The following PLXND1 variants were observed in gnomAD, a reference collection of about 807,000 sequenced individuals.
PLXND1 encodes the protein plexin-D1.
PLXND1 carries 54 observed loss-of-function variants against 197.7 expected under a neutral mutation model. The ratio of observed to expected loss-of-function variants is 0.27; its 90% CI spans 0.22 to 0.34. The LOEUF (loss-of-function observed/expected upper bound fraction) is 0.34. PLXND1 is among the 10% of genes least tolerant of loss of function. The pLI is 1.00. For missense variants in PLXND1, 2,127 were observed against 2,699.2 expected, an observed-to-expected ratio of 0.79 and a Z score of 4.70; for synonymous variants, 1,180 against 1,161.2, an observed-to-expected ratio of 1.02 and a Z score of -0.33.
chr3:129,576,647 A>G (rs1214015790), intron 9 of PLXND1, among the ~76,000 whole-genome samples: 3 of 151,984 alleles, frequency 2.0e-5, no homozygotes, highest in Non-Finnish European at 4.4e-5. Context: ...CTGGGTTCAA[A>G]CCCCACCTCT....
At chr3:129,560,936 G>T in intron 29 of PLXND1, 1 of 673,140 alleles carries the variant, frequency 1.5e-6, no homozygotes. Context: ...GAGACGCATG[G>T]GGAGACTGAG....
chr3:129,555,737 GCCCACTCTACCAACA>G lies in PLXND1; in HGVS notation c.*560_*574del. On this transcript the variant is annotated 3_prime_UTR_variant, in exon 36 of 36. Transcript: ENST00000324093. ...CAGAGCACCCCATGGCGCGGGCACT[GCCCACTCTACCAACA>G]GCCGCCCAAGCAACAAAAATCTGAC... 2.0e-6 allele frequency: 1 copy of G among 500,068 alleles called. No individual in the cohort carries two copies. Among genetic ancestry groups the G allele is most frequent in the Non-Finnish European group, 3.5e-6 (1 of 287,444 alleles). 31.0% of individuals were successfully genotyped at this position (500,068 alleles called of 1,614,324 possible). A position where few individuals can be genotyped will look rare whatever the true frequency, so the allele number is the denominator to read the frequency against.
intron 26 of PLXND1, 72 bp from the exon 27 acceptor site, chr3:129,563,015 G>A: frequency 1.9e-6 from 3 of 1,610,086 alleles, no homozygotes; most frequent in Non-Finnish European, 2.5e-6. Context: ...AGGCAGCAAG[G>A]CCCTGCAGAG....
chr3:129,590,761 T>C (rs1307064982), intron 1 of PLXND1, among the ~76,000 whole-genome samples: 1 of 152,118 alleles, frequency 6.6e-6, no homozygotes, highest in African/African-American at 2.4e-5. Context: ...ATCTCACAGA[T>C]GGGGAAACTG....
chr3:129,606,043 G>T lies in PLXND1; in HGVS notation c.597C>A (p.Ala199=). ...GCAGGCGGCTGCCCCCCGCGCCCGC[G>T]GCGGGAGGCAGAACTAGCCCCACGG... ...ASTVGLVLPP[A]AGAGGSRLLV... Residue 199 remains alanine (A), a synonymous_variant, in exon 1 of 36, where the codon GCC becomes GCA. Coordinates refer to ENST00000324093, the MANE Select transcript of PLXND1 (RefSeq NM_015103.3). 1 of 1,593,376 alleles carries T rather than the reference G, an allele frequency of 6.3e-7. No homozygotes were observed. The highest frequency in any genetic ancestry group is 2.3e-5 in the East Asian group (1 of 44,218).
chr3:129,571,942 T>TTGAACCCCAGGCCAA, intron 15 of PLXND1, 98 bp from the exon 16 acceptor site: 3 of 1,229,192 alleles, frequency 2.4e-6, no homozygotes, highest in Non-Finnish European at 3.4e-6. Context: ...GCACTTGGCC[T>TTGAACCCCAGGCCAA]GGGGTTCAAG....
rs772112447 is a variant in PLXND1, at chr3:129,569,849, C to A, written c.3859G>T (p.Val1287Leu). Residue 1287 changes from valine (V) to leucine (L), a missense_variant, in exon 20 of 36, where the codon GTG (valine) becomes TTG (leucine). Coordinates refer to ENST00000324093, the MANE Select transcript of PLXND1 (RefSeq NM_015103.3). ...TGAGGGTGGGGCTCCTTACCCACCA[C>A]GGAGAGCAGCAGCAGGACGCTGCAG... ...VICSVLLLLS[V>L]VALFVFCTKS... 1 of 1,590,200 alleles carries A rather than the reference C, an allele frequency of 6.3e-7. No homozygotes were observed. The highest frequency in any genetic ancestry group is 8.6e-7 in the Non-Finnish European group (1 of 1,158,374).
At chr3:129,559,544 A>C in intron 32 of PLXND1, 76 bp downstream of exon 32, 1 of 1,219,146 alleles carries the variant, frequency 8.2e-7, no homozygotes, top group Non-Finnish European at 1.1e-6. Context: ...GCGAGGCCAG[A>C]AGACTAGACT....
rs1460193425 is a variant in PLXND1 at position 129,561,555 on chromosome 3, T to C, written c.4993+91A>G. 5.0e-6 allele frequency: 5 copies of C among 996,146 alleles called. No homozygotes were observed. The East Asian group carries it at 7.8e-5, about 16-fold the overall frequency. 61.7% of individuals were successfully genotyped at this position (996,146 alleles called of 1,614,324 possible). On this transcript the variant is annotated intron_variant, in intron 29 of 35. Coordinates refer to ENST00000324093, the MANE Select transcript of PLXND1 (RefSeq NM_015103.3). ...GGCCTCAGCCCAGGCCAGCCCTGCC[T>C]CTCGGAGCCTCAGCTTCCCCACTGG...
At chr3:129,597,841 G>A (rs2085650459) in intron 1 of PLXND1, among the ~76,000 whole-genome samples, 1 of 152,254 alleles carries the variant, frequency 6.6e-6, no homozygotes, top group African/African-American at 2.4e-5. Flanking sequence ...GGCACTCAGA[G>A]ACTTTCTGGG....
Position 129,605,695 on chromosome 3 carries a change from C to G in PLXND1, c.945G>C (p.Arg315=). ...ARAGDKESQA[R]SLLARICLPH... ...GCAGGCAGATGCGCGCCAGCAGGCTCCGCGCCTGGCTCTCCTTGTCGCCCG... is the reference window on the plus strand; with the variant it reads ...GCAGGCAGATGCGCGCCAGCAGGCTGCGCGCCTGGCTCTCCTTGTCGCCCG... The change falls in exon 1 of 36, where the codon CGG becomes CGC. Residue 315 remains arginine (R), a synonymous_variant. Coordinates refer to ENST00000324093, the MANE Select transcript of PLXND1 (RefSeq NM_015103.3). The G allele has an allele frequency of 6.5e-7, 1 of 1,538,796 alleles. No homozygotes were observed. The highest frequency in any genetic ancestry group is 1.2e-5 in the South Asian group (1 of 83,762).
intron 20 of PLXND1, among the ~76,000 whole-genome samples, chr3:129,568,909 C>A (rs2085181118): frequency 6.6e-6 from 1 of 152,192 alleles, no homozygotes; most frequent in South Asian, 2.1e-4. Flanking sequence ...AATTTTAGAG[C>A]ATTTTTGCTG....
Position 129,575,419 on chromosome 3 carries a change from C to T in PLXND1, c.2530+50G>A, listed in dbSNP as rs376898427. The stretch of plus-strand genomic sequence containing the variant: ...ATGAGTCGCACAAGGCTGAGCCCCA[C>T]CCACTGCACTGAGGCCCCGAGGCCA... On this transcript the variant is annotated intron_variant, in intron 11 of 35. Transcript: ENST00000324093. The T allele has an allele frequency of 3.9e-3, 4,455 of 1,132,592 alleles. 14 individuals carry two copies. The highest frequency in any genetic ancestry group is 5.2e-3 in the Non-Finnish European group (4,009 of 765,734). 70.2% of individuals were successfully genotyped at this position (1,132,592 alleles called of 1,614,324 possible). A position where few individuals can be genotyped will look rare whatever the true frequency, so the allele number is the denominator to read the frequency against.
rs1379872612 is a variant in PLXND1, at chr3:129,586,194, C to T, written c.1699G>A (p.Gly567Ser). The T allele has an allele frequency of 3.1e-6, 5 of 1,605,350 alleles. No homozygotes were observed. Among genetic ancestry groups the T allele is most frequent in the East Asian group, 2.2e-5 (1 of 44,618 alleles). The change falls in exon 4 of 36, where the codon GGC becomes AGC. Residue 567 changes from glycine to serine, a missense_variant. Gly to Ser is a moderately conservative substitution (Grantham distance 56). Coordinates refer to ENST00000324093, the MANE Select transcript of PLXND1 (RefSeq NM_015103.3). ...CACCGCGTCTCCAGGGCACACCAGC[C>T]GCAGTAGGCGTCCGCCGCACCCACG... is the stretch of plus-strand genomic sequence containing the variant. ...DCVGAADAYCGWCALETRCTL... is the reference protein window; with the variant it reads ...DCVGAADAYCSWCALETRCTL...
In PLXND1 at chr3:129,559,648, C is replaced by T. The variant is rs781629375; in HGVS notation, c.5269G>A (p.Asp1757Asn). The T allele has an allele frequency of 3.0e-5, 48 of 1,610,086 alleles. No individual in the cohort carries two copies. Among genetic ancestry groups the T allele is most frequent in the Non-Finnish European group, 3.8e-5 (45 of 1,178,226 alleles). Residue 1757 changes from aspartate (D) to asparagine (N), a missense_variant, in exon 32 of 36, where the codon GAC (aspartate) becomes AAC (asparagine). By Grantham distance (23) the Asp-to-Asn change is conservative. Coordinates refer to ENST00000324093, the MANE Select transcript of PLXND1 (RefSeq NM_015103.3). The part of the protein sequence containing the change: ...QAEKRGISDP[D>N]TLHIWKTNSL... ...TTGGTCTTCCAGATGTGTAGGGTGT[C>T]GGGGTCGGAGATTCCCCTCTTCTCA...
chr3:129,594,370 G>C (rs1407276217), intron 1 of PLXND1, among the ~76,000 whole-genome samples: 1 of 152,192 alleles, frequency 6.6e-6, no homozygotes, highest in East Asian at 1.9e-4. Context: ...TGTAATCCCA[G>C]CGCTTTGGGA....
rs761425043 is a variant in PLXND1, at chr3:129,577,160, G to T, written c.2346+1169C>A. On this transcript the variant is annotated intron_variant, in intron 9 of 35. Coordinates refer to ENST00000324093, the MANE Select transcript of PLXND1 (RefSeq NM_015103.3). The surrounding 1 kb of genome is among the most constrained non-coding windows in gnomAD (Gnocchi z 5.0). ...CTCCTCTTAGTCCTCAGCCACCTCA[G>T]AACAGCACACCCGGCCCGTCCCAGA... 2.0e-5 allele frequency among the ~76,000 whole-genome samples: 3 copies of T among 152,158 alleles called. No homozygotes were observed. Among genetic ancestry groups the T allele is most frequent in the Non-Finnish European group, 4.4e-5 (3 of 68,012 alleles).
rs761972835 is a variant in PLXND1 at position 129,589,450 on chromosome 3, C to T, written c.1389G>A (p.Thr463=). 3.1e-6 allele frequency: 5 copies of T among 1,611,322 alleles called. No individual in the cohort carries two copies. The highest frequency in any genetic ancestry group is 1.1e-5 in the South Asian group (1 of 90,808). ...TGAGGCCCGGGGCGCGGAACACGGG[C>T]GTGGCCTTCAGGGGCTGCAGGATGG... The part of the protein sequence containing the change: ...PLSILQPLKA[T]PVFRAPGLTS... The change falls in exon 2 of 36, where the codon ACG becomes ACA. Residue 463 remains threonine, a synonymous_variant. Coordinates refer to ENST00000324093, the MANE Select transcript of PLXND1 (RefSeq NM_015103.3).
chr3:129,600,236 C>T (rs994883016), intron 1 of PLXND1, among the ~76,000 whole-genome samples: 8 of 152,144 alleles, frequency 5.3e-5, no homozygotes, highest in African/African-American at 1.9e-4. Context: ...CCTTCAGGCC[C>T]TATTTGATCT....
Sources: gnomAD v4.1 joint callset for allele counts (sites outside exome capture counted in the v4.1 genomes callset) on GRCh38, gnomAD v4.1.1 for gene constraint, Gnocchi (gnomAD v3.1) non-coding constraint, MANE v1.5 for transcripts, NCBI Gene and HGNC (gene_info 2026-07-23, HGNC 2026-07-21) for gene names.